GXYLT2: variants seen among roughly 807,000 people sequenced by gnomAD.
The protein encoded by GXYLT2 is glycosyltransferase 8 domain containing 4.
A neutral mutation model predicts 45.8 loss-of-function variants in GXYLT2; 53 were observed. The ratio of observed to expected loss-of-function variants is 1.16; its 90% confidence interval spans 0.93 to 1.46. The LOEUF (loss-of-function observed/expected upper bound fraction) is 1.46, where lower values mean the gene tolerates loss of function less well. GXYLT2 is among the 40% of genes most tolerant of loss of function. The pLI is 0.00. For synonymous variants in GXYLT2, 219 were observed against 214.2 expected, an observed-to-expected ratio of 1.02 and a Z score of -0.19; for missense variants, 551 against 544.4, an observed-to-expected ratio of 1.01 and a Z score of -0.12.
chr3:72,936,730 T>C (rs1410320912), intron 3 of GXYLT2, among the ~76,000 whole-genome samples: 1 of 152,174 alleles, frequency 6.6e-6, no homozygotes, highest in Non-Finnish European at 1.5e-5. Flanking sequence ...AAAACACTTG[T>C]ACAGAGAGGG....
intron 3 of GXYLT2, among the ~76,000 whole-genome samples, chr3:72,941,995 C>T (rs1331054763): frequency 6.6e-6 from 1 of 152,050 alleles, no homozygotes; most frequent in Non-Finnish European, 1.5e-5. Flanking sequence ...CTGTTCATTC[C>T]TGGCTGAAGG....
intron 3 of GXYLT2, among the ~76,000 whole-genome samples, chr3:72,951,001 T>TA (rs1710513735): frequency 3.3e-5 from 5 of 152,060 alleles, no homozygotes; most frequent in Admixed American, 3.3e-4. Context: ...CCCCTCACTC[T>TA]AAAAAAACAA....
intron 3 of GXYLT2, among the ~76,000 whole-genome samples, chr3:72,928,664 T>G (rs966800886): frequency 1.2e-4 from 18 of 151,894 alleles, no homozygotes; most frequent in Admixed American, 6.6e-4. Flanking sequence ...ACAATGCAGG[T>G]AAAACGTGCC....
chr3:72,938,767 C>G (rs1270411980), intron 3 of GXYLT2, among the ~76,000 whole-genome samples: 3 of 152,200 alleles, frequency 2.0e-5, no homozygotes, highest in Middle Eastern at 3.2e-3. Flanking sequence ...GGAAAACGTC[C>G]TGCATGCAGT....
intron 5 of GXYLT2, among the ~76,000 whole-genome samples, chr3:72,959,900 G>A (rs1458880750): frequency 6.6e-6 from 1 of 151,876 alleles, no homozygotes; most frequent in Non-Finnish European, 1.5e-5. Context: ...CTCCTAAAAT[G>A]CTGGGATTAC....
intron 5 of GXYLT2, among the ~76,000 whole-genome samples, chr3:72,963,063 A>G (rs1710797740): frequency 6.6e-6 from 1 of 152,044 alleles, no homozygotes; most frequent in Non-Finnish European, 1.5e-5. Flanking sequence ...TGTAATCTCA[A>G]CGCTTTAGGA....
chr3:72,917,191 A>T (rs1379973204), intron 2 of GXYLT2, among the ~76,000 whole-genome samples: 1 of 152,102 alleles, frequency 6.6e-6, no homozygotes, highest in Non-Finnish European at 1.5e-5. Context: ...CTGCAGCCCC[A>T]ACCTCTCAGA....
chr3:72,960,775 T>A (rs919096240), intron 5 of GXYLT2, among the ~76,000 whole-genome samples: 1 of 152,184 alleles, frequency 6.6e-6, no homozygotes, highest in East Asian at 1.9e-4. Context: ...CAGAGTACTT[T>A]CCACAAACCA....
Position 72,888,305 on chromosome 3 carries a change from C to A in GXYLT2, c.72C>A (p.Ser24=). 1.0e-6 allele frequency: 1 copy of A among 989,428 alleles called. No individual in the cohort carries two copies. Among genetic ancestry groups the A allele is most frequent in the South Asian group, 4.5e-5 (1 of 22,458 alleles). 61.3% of individuals were successfully genotyped at this position (989,428 alleles called of 1,614,324 possible). The part of the protein sequence containing the change: ...ALAALLLALL[S]LRAGRAEPPA... The stretch of plus-strand genomic sequence containing the variant: ...CCGCGCTGCTGCTGGCGCTGCTGTC[C>A]CTGCGCGCTGGCCGCGCTGAGCCCC... Residue 24 remains serine, a synonymous_variant, in exon 1 of 7, where the codon TCC becomes TCA. Transcript: ENST00000389617.
At chr3:72,960,302 T>C (rs1710744790) in intron 5 of GXYLT2, among the ~76,000 whole-genome samples, 1 of 152,218 alleles carries the variant, frequency 6.6e-6, no homozygotes, top group African/African-American at 2.4e-5. Flanking sequence ...TATTCCCAAA[T>C]TGAGGAATCC....
chr3:72,974,802 C>G (rs1711060957), intron 6 of GXYLT2, among the ~76,000 whole-genome samples, 175 bp from the exon 7 acceptor site: 2 of 152,032 alleles, frequency 1.3e-5, no homozygotes, highest in Admixed American at 1.3e-4. Flanking sequence ...AAATGATTAC[C>G]TGGGGTTGCA....
intron 3 of GXYLT2, among the ~76,000 whole-genome samples, chr3:72,931,816 CAGT>C: frequency 6.6e-6 from 1 of 151,848 alleles, no homozygotes; most frequent in South Asian, 2.1e-4. Context: ...AGAGAAAAAA[CAGT>C]AGAGGAGTAA....
intron 3 of GXYLT2, among the ~76,000 whole-genome samples, chr3:72,954,211 G>A (rs1244042850): frequency 1.3e-5 from 2 of 151,346 alleles, no homozygotes; most frequent in Non-Finnish European, 2.9e-5. Context: ...GGGTTCAAGC[G>A]ATTCTTCTGC....
At chr3:72,929,645 C>T in intron 3 of GXYLT2, 1 of 801,948 alleles carries the variant, frequency 1.2e-6, no homozygotes, top group Admixed American at 1.8e-5. Context: ...CCCTGGTCAC[C>T]AAGGCAGTGC....
At chr3:72,915,354 T>TTTGG (rs71126805) in intron 2 of GXYLT2, among the ~76,000 whole-genome samples, 6 of 33,478 alleles carry the variant, frequency 1.8e-4, no homozygotes, top group African/African-American at 3.2e-4. Flanking sequence ...TTTTTTTTTT[T>TTTGG]GCGGGGGGGG....
intron 2 of GXYLT2, among the ~76,000 whole-genome samples, chr3:72,919,199 G>A (rs1270701639): frequency 6.6e-6 from 1 of 152,188 alleles, no homozygotes; most frequent in East Asian, 1.9e-4. Context: ...TGTAGCAGCT[G>A]TATTCACAGT....
intron 1 of GXYLT2, among the ~76,000 whole-genome samples, chr3:72,907,662 T>G (rs892808477): frequency 6.6e-6 from 1 of 152,114 alleles, no homozygotes; most frequent in Non-Finnish European, 1.5e-5. Flanking sequence ...TTTGATACCT[T>G]GATCATTTTC....
chr3:72,961,674 A>AAAAAAGAG (rs1278781750), intron 5 of GXYLT2, among the ~76,000 whole-genome samples: 6 of 118,976 alleles, frequency 5.0e-5, no homozygotes, highest in African/African-American at 1.2e-4. Context: ...AAAAAAAAAA[A>AAAAAAGAG]AGAGAGAGAG....
Position 72,940,638 on chromosome 3 carries a change from A to G in GXYLT2, c.601-14460A>G, listed in dbSNP as rs1367344967. 6.6e-5 allele frequency among the ~76,000 whole-genome samples: 10 copies of G among 152,210 alleles called. No homozygotes were observed. In the East Asian group the frequency reaches 1.5e-3, roughly 23 times the overall value. ...TTGTTTGTATGTTTTTACAACACACATGCATGAATTTGTGTATTGTGGAAT... is the reference window on the plus strand; with the variant it reads ...TTGTTTGTATGTTTTTACAACACACGTGCATGAATTTGTGTATTGTGGAAT... On this transcript the variant is annotated intron_variant, in intron 3 of 6. Transcript: ENST00000389617.
Sources: allele counts gnomAD v4.1 joint callset (sites outside exome capture counted in the v4.1 genomes callset), GRCh38; gene constraint gnomAD v4.1.1; transcripts MANE v1.5; gene names NCBI Gene and HGNC (gene_info 2026-07-23, HGNC 2026-07-21).